The following SHMT1 variants were observed in gnomAD, a reference collection of about 807,000 sequenced individuals.
SHMT1 encodes serine hydroxymethyltransferase, cytosolic.
Under a neutral mutation model 49.0 loss-of-function variants are expected in SHMT1, and 45 were observed. That is an observed-to-expected ratio of 0.92 (90% CI 0.72 to 1.18). The LOEUF (loss-of-function observed/expected upper bound fraction) is 1.18, where lower values mean the gene tolerates loss of function less well. SHMT1 is among the 50% of genes most tolerant of loss of function. The pLI is 0.00. For synonymous variants in SHMT1, 232 were observed against 246.6 expected, an observed-to-expected ratio of 0.94 and a Z score of 0.55; for missense variants, 541 against 612.4, an observed-to-expected ratio of 0.88 and a Z score of 1.23.
At chr17:18,331,738 T>C (rs1480221590) in intron 9 of SHMT1, 3 of 152,166 alleles carry the variant, frequency 2.0e-5, no homozygotes, top group African/African-American at 7.2e-5. Flanking sequence ...CCAGGGGTGG[T>C]GTGCACATTG....
intron 7 of SHMT1, among the ~76,000 whole-genome samples, chr17:18,336,859 T>C (rs1234551553): frequency 6.6e-6 from 1 of 151,986 alleles, no homozygotes; most frequent in Non-Finnish European, 1.5e-5. Context: ...GGTAGGAGGA[T>C]TGCTTGGGCC....
intron 1 of SHMT1, among the ~76,000 whole-genome samples, chr17:18,362,721 G>A (rs1477144910): frequency 6.6e-6 from 1 of 152,174 alleles, no homozygotes; most frequent in East Asian, 1.9e-4. Context: ...ACCTCAGCTG[G>A]ACCAAGGGTC....
intron 10 of SHMT1, among the ~76,000 whole-genome samples, chr17:18,330,035 CAG>C (rs1481105963): frequency 6.6e-6 from 1 of 151,676 alleles, no homozygotes; most frequent in Non-Finnish European, 1.5e-5. Flanking sequence ...TTAGTAGAGA[CAG>C]GGTTTCACCG....
intron 4 of SHMT1, 43 bp from the exon 5 acceptor site, chr17:18,347,699 AG>A (rs1483603300): frequency 3.7e-6 from 6 of 1,612,432 alleles, no homozygotes; most frequent in Non-Finnish European, 5.1e-6. Flanking sequence ...TTTCTAACTG[AG>A]GTACCAAGTG....
At chr17:18,354,884 AAAAATAATAC>A (rs1300567643) in intron 2 of SHMT1, among the ~76,000 whole-genome samples, 1 of 144,368 alleles carries the variant, frequency 6.9e-6, no homozygotes, top group Non-Finnish European at 1.5e-5. Flanking sequence ...CTAAAAAAAA[AAAAATAATAC>A]AAAAAATTAG....
chr17:18,359,881 G>A (rs1248333275), intron 1 of SHMT1, among the ~76,000 whole-genome samples: 1 of 151,614 alleles, frequency 6.6e-6, no homozygotes, highest in East Asian at 1.9e-4. Flanking sequence ...AGGAGGCGGA[G>A]ACTGTAGTGA....
chr17:18,348,347 C>CGGGG lies in SHMT1; in HGVS notation c.335_336insCCCC (p.Val113ProfsTer57). On this transcript the variant is annotated frameshift_variant, in exon 4 of 12. Coordinates refer to ENST00000316694, the MANE Select transcript of SHMT1 (RefSeq NM_004169.5). LOFTEE classifies it high-confidence loss of function. ...CACCTGAGTAGGGCTGGACGTTGAC[C>CGGGG]CCCCAGCACTGTGGGTCCAGCTTAT... The CGGGG allele has an allele frequency of 6.2e-7, 1 of 1,613,056 alleles. No individual in the cohort carries two copies. The highest frequency in any genetic ancestry group is 8.5e-7 in the Non-Finnish European group (1 of 1,179,038).
chr17:18,344,317 T>A (rs1028556111), intron 5 of SHMT1, among the ~76,000 whole-genome samples: 9 of 152,094 alleles, frequency 5.9e-5, no homozygotes, highest in Non-Finnish European at 1.3e-4. Flanking sequence ...GTCACCTGAA[T>A]TTGGCAAAGA....
chr17:18,329,033 C>T, intron 11 of SHMT1, 114 bp from the exon 12 acceptor site: 1 of 1,339,526 alleles, frequency 7.5e-7, no homozygotes, highest in Non-Finnish European at 1.1e-6. Flanking sequence ...TGTGGCAGGG[C>T]ACAAGGTCTC....
Position 18,358,267 on chromosome 17 carries a change from G to A in SHMT1, c.-19-2267C>T, listed in dbSNP as rs142321424. ...AGTACTTTGGGAGGCCGAGGTGGGC[G>A]GATCAGGAGGTCAGGAGATCGAGAC... On this transcript the variant is annotated intron_variant, in intron 1 of 11. Coordinates refer to ENST00000316694, the MANE Select transcript of SHMT1 (RefSeq NM_004169.5). Among the ~76,000 whole-genome samples the A allele has an allele frequency of 7.2e-3, 1,090 of 151,628 alleles. 13 individuals carry two copies. The highest frequency in any genetic ancestry group is 0.025 in the African/African-American group (1,022 of 41,378).
intron 2 of SHMT1, among the ~76,000 whole-genome samples, chr17:18,355,426 G>C (rs1015190422): frequency 2.7e-5 from 4 of 149,308 alleles, no homozygotes; most frequent in Non-Finnish European, 5.9e-5. Context: ...TGCAATCCCA[G>C]CTAGTCAGGA....
intron 8 of SHMT1, 56 bp from the exon 9 acceptor site, chr17:18,333,344 T>A (rs1983443633): frequency 6.3e-7 from 1 of 1,577,686 alleles, no homozygotes; most frequent in African/African-American, 1.3e-5. Context: ...ACACAGATGA[T>A]GAGTCAAACA....
At position 18,348,479 on chromosome 17, in the gene SHMT1, C is replaced by T. The variant is rs376456812; in HGVS notation, c.243-39G>A. The T allele has an allele frequency of 5.8e-5, 85 of 1,461,274 alleles. No homozygotes were observed. The African/African-American group carries it at 1.1e-3, about 18-fold the overall frequency. The allele number at this position is 1,461,274 out of a possible 1,614,324, so 90.5% of individuals were successfully genotyped here. A position where few individuals can be genotyped will look rare whatever the true frequency, so the allele number is the denominator to read the frequency against. Reference sequence around the variant, plus strand: ...GCAGGAGACTTAGATCCACTCAGACCCAGAAAGTCTGTGCTTCACAGAGGC... The same window carrying T: ...GCAGGAGACTTAGATCCACTCAGACTCAGAAAGTCTGTGCTTCACAGAGGC... On this transcript the variant is annotated intron_variant, in intron 3 of 11. Coordinates refer to ENST00000316694, the MANE Select transcript of SHMT1 (RefSeq NM_004169.5).
chr17:18,357,073 A>C (rs974511939), intron 1 of SHMT1, among the ~76,000 whole-genome samples: 9 of 151,976 alleles, frequency 5.9e-5, no homozygotes, highest in Non-Finnish European at 1.3e-4. Flanking sequence ...CAAGATCTGG[A>C]GTTGGAGACC....
At chr17:18,357,045 G>C (rs1986301910) in intron 1 of SHMT1, among the ~76,000 whole-genome samples, 1 of 152,044 alleles carries the variant, frequency 6.6e-6, no homozygotes, top group African/African-American at 2.4e-5. Flanking sequence ...ACTTTGGGAG[G>C]CCGAGGTGGG....
intron 2 of SHMT1, among the ~76,000 whole-genome samples, chr17:18,354,214 T>G (rs1455376504): frequency 6.6e-6 from 1 of 152,120 alleles, no homozygotes; most frequent in Non-Finnish European, 1.5e-5. Flanking sequence ...GGTCGGGGGT[T>G]CGAGACCAGC....
intron 5 of SHMT1, among the ~76,000 whole-genome samples, chr17:18,342,428 C>T (rs1177469519): frequency 6.6e-6 from 1 of 152,016 alleles, no homozygotes; most frequent in Admixed American, 6.6e-5. Context: ...GCGATTCTCC[C>T]ACTCAGCCTG....
At chr17:18,334,070 C>CT (rs1417547385) in intron 8 of SHMT1, among the ~76,000 whole-genome samples, 1 of 152,142 alleles carries the variant, frequency 6.6e-6, no homozygotes, top group African/African-American at 2.4e-5. Flanking sequence ...TCCCAAGTAG[C>CT]TGGGACTACA....
intron 7 of SHMT1, among the ~76,000 whole-genome samples, chr17:18,336,672 A>G (rs985830696): frequency 1.0e-4 from 15 of 149,700 alleles, no homozygotes; most frequent in South Asian, 4.3e-4. Flanking sequence ...ATCTCCGGGG[A>G]AAAAAAAAGT....
Sources: gnomAD v4.1 joint callset for allele counts (sites outside exome capture counted in the v4.1 genomes callset) on GRCh38, gnomAD v4.1.1 for gene constraint, MANE v1.5 for transcripts, NCBI Gene and HGNC (gene_info 2026-07-23, HGNC 2026-07-21) for gene names.